Variants in ATP8B1 observed in about 807,000 individuals in gnomAD.
ATP8B1 encodes ATPase phospholipid transporting 8B1.
Under a neutral mutation model 149.9 loss-of-function variants are expected in ATP8B1, and 80 were observed. The observed-to-expected ratio is 0.53, with a 90% CI of 0.45 to 0.64. The LOEUF (loss-of-function observed/expected upper bound fraction) is 0.64. Ranked by LOEUF, ATP8B1 falls within the 30% of genes least tolerant of loss-of-function variation. The probability of loss-of-function intolerance (pLI) is 0.00; values close to 1 mark genes in which losing one functional copy is unlikely to be tolerated. For synonymous variants in ATP8B1, 536 were observed against 562.8 expected (o/e 0.95, Z 0.67); for missense variants, 1,247 against 1,552.6 (o/e 0.80, Z 3.31).
At chr18:57,772,733 C>T (rs971192015) in intron 1 of ATP8B1, among the ~76,000 whole-genome samples, 10 of 152,152 alleles carry the variant, frequency 6.6e-5, no homozygotes, top group East Asian at 3.9e-4. Context: ...AGGAATTCGG[C>T]GCACAGAAGC....
At chr18:57,739,528 A>C (rs1373168285) in intron 1 of ATP8B1, among the ~76,000 whole-genome samples, 3 of 152,198 alleles carry the variant, frequency 2.0e-5, no homozygotes, top group Non-Finnish European at 4.4e-5. Context: ...CTCAGTGCCT[A>C]CTACACAGTT....
At position 57,692,008 on chromosome 18, in the gene ATP8B1, G is replaced by A. The variant is rs1181508015; in HGVS notation, c.1030-11C>T. The A allele has an allele frequency of 1.9e-6, 3 of 1,607,898 alleles. No individual in the cohort carries two copies. The highest frequency in any genetic ancestry group is 2.5e-6 in the Non-Finnish European group (3 of 1,177,138). On this transcript the variant is annotated splice_polypyrimidine_tract_variant and intron_variant, in intron 11 of 27. Transcript: ENST00000648908. Reference sequence around the variant, plus strand: ...AAGAACAACAAAGATCTAGAAGACAGAAAACATTTAAATGCATTCTGAAGA... The same window carrying A: ...AAGAACAACAAAGATCTAGAAGACAAAAAACATTTAAATGCATTCTGAAGA...
intron 1 of ATP8B1, among the ~76,000 whole-genome samples, chr18:57,791,351 C>CTTTTTTTTTTTT (rs570282416): frequency 6.1e-5 from 5 of 82,396 alleles, no homozygotes; most frequent in African/African-American, 1.3e-4. Context: ...CTTTTCTTTT[C>CTTTTTTTTTTTT]TTTTTTTTTT....
intron 2 of ATP8B1, among the ~76,000 whole-genome samples, chr18:57,718,746 T>C (rs762459046): frequency 6.6e-6 from 1 of 152,192 alleles, no homozygotes; most frequent in Non-Finnish European, 1.5e-5. Context: ...TGATATGTCA[T>C]GTCAACAGAA....
Position 57,732,007 on chromosome 18 carries a change from A to AC in ATP8B1, c.-25-176dup. On this transcript the variant is annotated intron_variant, in intron 1 of 27. Coordinates refer to ENST00000648908, the MANE Select transcript of ATP8B1 (RefSeq NM_001374385.1). ...GAAGACAAGAACAAAACCATTCAGT[A>AC]CTGATTAAATGCTTGGGTAAGATTT... is the stretch of plus-strand genomic sequence containing the variant. 3.3e-6 allele frequency: 2 copies of AC among 597,232 alleles called. 1 individual carries two copies. The highest frequency in any genetic ancestry group is 3.8e-5 in the South Asian group (2 of 52,154). The allele number at this position is 597,232 out of a possible 1,614,324, so 37.0% of individuals were successfully genotyped here. A position where few individuals can be genotyped will look rare whatever the true frequency, so the allele number is the denominator to read the frequency against.
chr18:57,717,547 CAAAAAAAAAAAAAAAAAAAAAAAAAAAAA>C (rs1163024544), intron 2 of ATP8B1, among the ~76,000 whole-genome samples: 3 of 19,918 alleles, frequency 1.5e-4, no homozygotes, highest in African/African-American at 2.5e-4. Flanking sequence ...GACTCTGTCT[CAAAAAAAAAAAAAAAAAAAAAAAAAAAAA>C]AAAAAAAAAA....
chr18:57,760,346 A>G (rs143487121), intron 1 of ATP8B1, among the ~76,000 whole-genome samples: 19 of 152,318 alleles, frequency 1.2e-4, no homozygotes, highest in African/African-American at 4.6e-4. Flanking sequence ...CTGCTTCTAC[A>G]TGTCCTAGAA....
intron 10 of ATP8B1, 52 bp downstream of exon 10, chr18:57,695,119 T>G: frequency 1.3e-6 from 2 of 1,519,252 alleles, no homozygotes; most frequent in South Asian, 2.2e-5. Flanking sequence ...CAATCCCCTC[T>G]AAGTCTTTAA....
At position 57,654,358 on chromosome 18, in the gene ATP8B1, G is replaced by A. The variant is rs145780137; in HGVS notation, c.2932-283C>T. Among the ~76,000 whole-genome samples, 12,331 of 150,268 alleles carry A rather than the reference G, an allele frequency of 0.082. 761 individuals are homozygous for A. Among genetic ancestry groups the A allele is most frequent in the East Asian group, 0.28 (1,443 of 5,102 alleles). ...TTCTGAGACAGAGTCTCACTCTGTC[G>A]CCCAGGCTGGAGTACAGTGGCGTGA... is the stretch of plus-strand genomic sequence containing the variant. On this transcript the variant is annotated intron_variant, in intron 23 of 27. Transcript: ENST00000648908.
rs1909648751 is a variant in ATP8B1, at chr18:57,651,974, C to CA, written c.3400+59dup. 4 of 1,571,196 alleles carry CA rather than the reference C, an allele frequency of 2.5e-6. No homozygotes were observed. In the Admixed American group the frequency reaches 6.7e-5, roughly 26 times the overall value. ...TTTTATTACTTAACAGAAGTTATGT[C>CA]AAAATCTAAACTAATGACATTTGTC... On this transcript the variant is annotated intron_variant, in intron 26 of 27. Transcript: ENST00000648908.
chr18:57,671,314 T>C (rs1361668273), intron 17 of ATP8B1, among the ~76,000 whole-genome samples, 154 bp downstream of exon 17: 2 of 152,212 alleles, frequency 1.3e-5, no homozygotes, highest in Non-Finnish European at 2.9e-5. Context: ...GGGACCCAGG[T>C]GGCTGTATTC....
chr18:57,763,218 C>T (rs1253039299), intron 1 of ATP8B1, among the ~76,000 whole-genome samples: 3 of 152,032 alleles, frequency 2.0e-5, no homozygotes, highest in African/African-American at 7.3e-5. Context: ...CATGGAGAGG[C>T]CCTGTCTCTA....
chr18:57,716,909 G>C (rs1359974382), intron 2 of ATP8B1, among the ~76,000 whole-genome samples: 1 of 152,142 alleles, frequency 6.6e-6, no homozygotes, highest in Non-Finnish European at 1.5e-5. Flanking sequence ...CTCAAAGACA[G>C]AACGTATATT....
At position 57,654,044 on chromosome 18, in the gene ATP8B1, T is replaced by C. The variant is rs1489730902; in HGVS notation, c.2963A>G (p.Tyr988Cys). The C allele has an allele frequency of 6.2e-7, 1 of 1,614,058 alleles. No homozygotes were observed. Among genetic ancestry groups the C allele is most frequent in the Non-Finnish European group, 8.5e-7 (1 of 1,180,006 alleles). ...TAYEDWFITL[Y>C]NVLYTSLPVL... ...GGGCAGGCTGGTGTACAGCACGTTGTAGAGGGTGATGAACCAATCCTCGTA... is the reference window on the plus strand; with the variant it reads ...GGGCAGGCTGGTGTACAGCACGTTGCAGAGGGTGATGAACCAATCCTCGTA... Residue 988 changes from tyrosine (Y) to cysteine (C), a missense_variant, in exon 24 of 28, where the codon TAC becomes TGC. By Grantham distance (194) the Tyr-to-Cys change is radical. Coordinates refer to ENST00000648908, the MANE Select transcript of ATP8B1 (RefSeq NM_001374385.1).
At chr18:57,668,069 TG>T (rs1364536620) in intron 19 of ATP8B1, 3 of 1,296,314 alleles carry the variant, frequency 2.3e-6, no homozygotes, top group Non-Finnish European at 3.0e-6. Context: ...TTCAGTACTT[TG>T]TATTGTTCTA....
rs1912165048 is a variant in ATP8B1 at position 57,685,084 on chromosome 18, G to A, written c.1461C>T (p.His487=). The change falls in exon 14 of 28, where the codon CAC becomes CAT. Residue 487 remains histidine, a synonymous_variant. Coordinates refer to ENST00000648908, the MANE Select transcript of ATP8B1 (RefSeq NM_001374385.1). The part of the protein sequence containing the change: ...GDHRDASQHN[H]NKIEQVDFSW... ...TTAAAGGTCTTACCTCTATTTTGTT[G>A]TGGTTGTGTTGAGAGGCATCCCGAT... is the stretch of plus-strand genomic sequence containing the variant. The A allele has an allele frequency of 1.2e-6, 2 of 1,614,054 alleles. No individual in the cohort carries two copies. Among genetic ancestry groups the A allele is most frequent in the African/African-American group, 1.3e-5 (1 of 74,910 alleles).
In ATP8B1 at chr18:57,802,993, C is replaced by T. The variant is rs2080597658; in HGVS notation, c.-26+5G>A. On this transcript the variant is annotated splice_donor_5th_base_variant and intron_variant, in intron 1 of 27. Transcript: ENST00000648908. The surrounding 1 kb of genome is among the most constrained non-coding windows in gnomAD (Gnocchi z 4.9). ...GGGGGCCCCCGGCGCCGCACCCCTG[C>T]TTACCTGGCGTTCGCTGGGCCCCGG... 1 of 152,118 alleles carries T rather than the reference C, an allele frequency of 6.6e-6. No individual in the cohort carries two copies. The highest frequency in any genetic ancestry group is 1.5e-5 in the Non-Finnish European group (1 of 68,044). The allele number at this position is 152,118 out of a possible 1,614,324, so 9.4% of individuals were successfully genotyped here. A position where few individuals can be genotyped will look rare whatever the true frequency, so the allele number is the denominator to read the frequency against.
intron 11 of ATP8B1, among the ~76,000 whole-genome samples, chr18:57,693,430 G>A (rs1167212797): frequency 1.3e-5 from 2 of 152,214 alleles, no homozygotes; most frequent in East Asian, 3.9e-4. Flanking sequence ...CTCATGGGCC[G>A]GGTGCAGTGG....
At chr18:57,694,454 T>C in intron 11 of ATP8B1, 128 bp downstream of exon 11, 1 of 671,706 alleles carries the variant, frequency 1.5e-6, no homozygotes, top group Non-Finnish European at 2.6e-6. Flanking sequence ...CATTTGAAGC[T>C]TGGAGTGCCC....
Sources: allele counts gnomAD v4.1 joint callset (sites outside exome capture counted in the v4.1 genomes callset), GRCh38; gene constraint gnomAD v4.1.1; non-coding constraint Gnocchi (gnomAD v3.1); transcripts MANE v1.5; gene names NCBI Gene and HGNC (gene_info 2026-07-23, HGNC 2026-07-21).